The following FBXL7 variants were observed in gnomAD, a reference collection of about 807,000 sequenced individuals.
The protein encoded by FBXL7 is F-box/LRR-repeat protein 7.
In FBXL7, 12 loss-of-function variants were observed where a neutral mutation model predicts 38.3. The ratio of observed to expected loss-of-function variants is 0.31; its 90% CI spans 0.20 to 0.51. The LOEUF (loss-of-function observed/expected upper bound fraction) is 0.51, where lower values mean the gene tolerates loss of function less well. FBXL7 is among the 20% of genes least tolerant of loss of function. The pLI, the probability that FBXL7 is intolerant of heterozygous loss-of-function variation, is 0.98. For missense variants in FBXL7, 567 were observed against 676.4 expected (o/e 0.84, Z 1.79); for synonymous variants, 297 against 300.9 (o/e 0.99, Z 0.13).
At chr5:15,839,799 G>A (rs1360063939) in intron 2 of FBXL7, among the ~76,000 whole-genome samples, 1 of 151,172 alleles carries the variant, frequency 6.6e-6, no homozygotes, top group Non-Finnish European at 1.5e-5. Context: ...TCTCCTCCCT[G>A]TCCTTCTTTT....
At chr5:15,594,330 G>A (rs1489404404) in intron 1 of FBXL7, among the ~76,000 whole-genome samples, 1 of 152,218 alleles carries the variant, frequency 6.6e-6, no homozygotes, top group East Asian at 1.9e-4. Flanking sequence ...CATTTGAAAA[G>A]AAAACAGTTG....
chr5:15,681,427 C>A (rs532302836), intron 2 of FBXL7, among the ~76,000 whole-genome samples: 68 of 152,206 alleles, frequency 4.5e-4, no homozygotes, highest in African/African-American at 1.6e-3. Flanking sequence ...ATGTTCTCAA[C>A]ATATTGAAAA....
intron 1 of FBXL7, among the ~76,000 whole-genome samples, chr5:15,507,549 C>T (rs973121512): frequency 2.0e-5 from 3 of 152,146 alleles, no homozygotes; most frequent in Admixed American, 1.3e-4. Context: ...GCTTAGATAA[C>T]TTTGCCTGGC....
At chr5:15,852,611 C>G (rs899292291) in intron 2 of FBXL7, among the ~76,000 whole-genome samples, 1 of 151,994 alleles carries the variant, frequency 6.6e-6, no homozygotes, top group Non-Finnish European at 1.5e-5. Flanking sequence ...TAGTCAGAAG[C>G]TACATACTGA....
At chr5:15,597,778 A>G (rs1042305904) in intron 1 of FBXL7, among the ~76,000 whole-genome samples, 1 of 152,216 alleles carries the variant, frequency 6.6e-6, no homozygotes, top group Non-Finnish European at 1.5e-5. Flanking sequence ...CAGGAATTTT[A>G]CAATTATTAA....
intron 1 of FBXL7, among the ~76,000 whole-genome samples, chr5:15,513,888 A>G (rs1337844961): frequency 2.0e-5 from 3 of 152,070 alleles, no homozygotes; most frequent in Non-Finnish European, 4.4e-5. Flanking sequence ...TGCTTATTTA[A>G]TTATATTTTA....
chr5:15,888,626 T>G (rs966524678), intron 2 of FBXL7, among the ~76,000 whole-genome samples: 1 of 152,132 alleles, frequency 6.6e-6, no homozygotes, highest in Non-Finnish European at 1.5e-5. Context: ...AGTACTTCAG[T>G]AGACCATTTG....
At chr5:15,795,045 A>G (rs114094646) in intron 2 of FBXL7, among the ~76,000 whole-genome samples, 1 of 152,238 alleles carries the variant, frequency 6.6e-6, no homozygotes, top group East Asian at 1.9e-4. Context: ...AGGCAGGTGG[A>G]CAACAAGCTC....
At chr5:15,748,752 G>T (rs374207888) in intron 2 of FBXL7, among the ~76,000 whole-genome samples, 2 of 152,282 alleles carry the variant, frequency 1.3e-5, no homozygotes, top group East Asian at 1.9e-4. Context: ...ATCCAGGCTA[G>T]AGTGCAGTGA....
chr5:15,894,991 G>A (rs577900079), intron 2 of FBXL7, among the ~76,000 whole-genome samples: 2 of 152,222 alleles, frequency 1.3e-5, no homozygotes, highest in South Asian at 4.1e-4. Flanking sequence ...TTCATTGTGT[G>A]ATGTTTCAGG....
chr5:15,535,995 C>T (rs1235681267), intron 1 of FBXL7, among the ~76,000 whole-genome samples: 1 of 152,248 alleles, frequency 6.6e-6, no homozygotes, highest in Non-Finnish European at 1.5e-5. Flanking sequence ...CTGCTCTGTG[C>T]AGCCTTGGGA....
rs113175311 is a variant in FBXL7, at chr5:15,851,850, A to ACACACACACG, written c.128-76040_128-76039insCACACACACG. Among the ~76,000 whole-genome samples the ACACACACACG allele has an allele frequency of 8.4e-5, 12 of 142,258 alleles. 1 individual carries two copies. The highest frequency in any genetic ancestry group is 2.1e-4 in the African/African-American group (8 of 38,262). The allele number at this position is 142,258 out of a possible 152,430, so 93.3% of individuals were successfully genotyped here. ...CACACACACACACACACACACACACAAAGTTCCTTGGCTAGTTTTTTTGTA... is the reference window on the plus strand; with the variant it reads ...CACACACACACACACACACACACACACACACACACGAAGTTCCTTGGCTAGTTTTTTTGTA... On this transcript the variant is annotated intron_variant, in intron 2 of 3. Transcript: ENST00000504595.
At chr5:15,524,519 A>G (rs531359791) in intron 1 of FBXL7, among the ~76,000 whole-genome samples, 16 of 152,302 alleles carry the variant, frequency 1.1e-4, no homozygotes, top group Non-Finnish European at 1.6e-4. Flanking sequence ...TTTCTCAGCT[A>G]CTTCTTGCTG....
At chr5:15,569,632 A>G (rs1397398328) in intron 1 of FBXL7, among the ~76,000 whole-genome samples, 57 of 151,784 alleles carry the variant, frequency 3.8e-4, no homozygotes, top group African/African-American at 1.4e-3. Context: ...ACTATGTTGA[A>G]TAGGAGTGGT....
intron 2 of FBXL7, among the ~76,000 whole-genome samples, chr5:15,887,290 G>A (rs1740717210): frequency 1.3e-5 from 2 of 152,124 alleles, no homozygotes; most frequent in Admixed American, 1.3e-4. Context: ...CAGGCTCTGG[G>A]AATTTCTTGA....
At chr5:15,649,104 C>G (rs1741627848) in intron 2 of FBXL7, among the ~76,000 whole-genome samples, 2 of 152,102 alleles carry the variant, frequency 1.3e-5, no homozygotes, top group Non-Finnish European at 2.9e-5. Flanking sequence ...TCAAGCTATT[C>G]TTGTGCCTCA....
intron 2 of FBXL7, among the ~76,000 whole-genome samples, chr5:15,826,686 T>TG (rs1738320005): frequency 6.6e-6 from 1 of 152,208 alleles, no homozygotes; most frequent in Admixed American, 6.5e-5. Flanking sequence ...CCCTAAGTGC[T>TG]GGGATTACAC....
chr5:15,871,961 T>C (rs575070347), intron 2 of FBXL7, among the ~76,000 whole-genome samples: 2 of 152,102 alleles, frequency 1.3e-5, no homozygotes, highest in Non-Finnish European at 2.9e-5. Flanking sequence ...TCCTCAAGAA[T>C]AGCAACTCCA....
intron 1 of FBXL7, among the ~76,000 whole-genome samples, chr5:15,535,086 G>C (rs989268458): frequency 6.6e-6 from 1 of 152,206 alleles, no homozygotes; most frequent in African/African-American, 2.4e-5. Flanking sequence ...GGCCATGTAA[G>C]ATGTGCCTTG....
Sources: allele counts gnomAD v4.1 joint callset (sites outside exome capture counted in the v4.1 genomes callset), GRCh38; gene constraint gnomAD v4.1.1; transcripts MANE v1.5; gene names NCBI Gene and HGNC (gene_info 2026-07-23, HGNC 2026-07-21).